The following MAPKAP1 variants were observed in gnomAD, a reference collection of about 807,000 sequenced individuals.
MAPKAP1 encodes target of rapamycin complex 2 subunit MAPKAP1.
A neutral mutation model predicts 65.7 loss-of-function variants in MAPKAP1; 20 were observed. The ratio of observed to expected loss-of-function variants is 0.30; its 90% confidence interval spans 0.21 to 0.44. MAPKAP1 has a LOEUF of 0.44. MAPKAP1 is among the 20% of genes least tolerant of loss of function. The pLI is 1.00. For synonymous variants in MAPKAP1, 222 were observed against 244.3 expected (o/e 0.91, Z 0.85); for missense variants, 423 against 648.0 (o/e 0.65, Z 3.77).
intron 7 of MAPKAP1, among the ~76,000 whole-genome samples, chr9:125,530,659 T>C (rs914052423): frequency 2.6e-5 from 4 of 152,234 alleles, no homozygotes; most frequent in African/African-American, 9.6e-5. Context: ...GAGTTGACTC[T>C]CTGGGTCTAG....
chr9:125,625,704 A>G (rs1833097951), intron 4 of MAPKAP1, among the ~76,000 whole-genome samples: 1 of 152,232 alleles, frequency 6.6e-6, no homozygotes, highest in Admixed American at 6.5e-5. Flanking sequence ...CTGAGGCACA[A>G]GAATCACTTG....
Position 125,685,609 on chromosome 9 carries a change from T to A in MAPKAP1, c.-69-12966A>T, listed in dbSNP as rs140203653. On this transcript the variant is annotated intron_variant, in intron 1 of 11. Coordinates refer to ENST00000265960, the MANE Select transcript of MAPKAP1 (RefSeq NM_001006617.3). ...CCTGGTTGCCATGTTAAGGAATGAA[T>A]GAATTAAAGAACAAATAAAAGATCG... Among the ~76,000 whole-genome samples, 773 of 152,368 alleles carry A rather than the reference T, an allele frequency of 5.1e-3. 1 individual carries two copies. Among genetic ancestry groups the A allele is most frequent in the Middle Eastern group, 0.01 (3 of 294 alleles).
intron 5 of MAPKAP1, among the ~76,000 whole-genome samples, chr9:125,569,782 C>T (rs990225113): frequency 1.3e-5 from 2 of 152,172 alleles, no homozygotes; most frequent in African/African-American, 4.8e-5. Flanking sequence ...TAGTAATCTT[C>T]TTCTGTCTTT....
At chr9:125,450,781 C>A (rs902728530) in intron 10 of MAPKAP1, among the ~76,000 whole-genome samples, 6 of 152,190 alleles carry the variant, frequency 3.9e-5, no homozygotes, top group African/African-American at 1.2e-4. Context: ...TGGGAACACA[C>A]ATTGTTTTAG....
intron 6 of MAPKAP1, among the ~76,000 whole-genome samples, chr9:125,557,142 C>T (rs1830759568): frequency 6.6e-6 from 1 of 152,136 alleles, no homozygotes; most frequent in African/African-American, 2.4e-5. Flanking sequence ...TCTGCCTTCC[C>T]CCTCCTTCCT....
In MAPKAP1 at chr9:125,580,679, G is replaced by GTA. The variant is rs567641557; in HGVS notation, c.671+4874_671+4875dup. On this transcript the variant is annotated intron_variant, in intron 5 of 11. Transcript: ENST00000265960. ...TGCACATGTACCCTAGAACTTAAAAGTATAAAAAAAAAAAAGACTATAGAC... is the reference window on the plus strand; with the variant it reads ...TGCACATGTACCCTAGAACTTAAAAGTATATAAAAAAAAAAAAGACTATAGAC... 4.4e-3 allele frequency among the ~76,000 whole-genome samples: 490 copies of GTA among 110,954 alleles called. 1 individual carries two copies. The highest frequency in any genetic ancestry group is 0.014 in the African/African-American group (468 of 34,608). 72.8% of individuals were successfully genotyped at this position (110,954 alleles called of 152,430 possible).
In MAPKAP1 at chr9:125,704,915, AC is replaced by A. The variant is rs1835712552; in HGVS notation, c.-70+2055del. 6.6e-5 allele frequency among the ~76,000 whole-genome samples: 10 copies of A among 152,224 alleles called. No homozygotes were observed. In the South Asian group the frequency reaches 2.1e-3, roughly 32 times the overall value. On this transcript the variant is annotated intron_variant, in intron 1 of 11. Transcript: ENST00000265960. ...GTGGTCAATATTATTCCCTAACCCA[AC>A]CCCTAGTTGAAGAAAGTGATGCTTG...
chr9:125,518,778 C>G (rs1039242812), intron 7 of MAPKAP1, among the ~76,000 whole-genome samples: 1 of 152,048 alleles, frequency 6.6e-6, no homozygotes, highest in African/African-American at 2.4e-5. Context: ...TAAAGTAAAA[C>G]CCGAATAAAA....
At chr9:125,695,853 C>T (rs954788553) in intron 1 of MAPKAP1, among the ~76,000 whole-genome samples, 12 of 151,974 alleles carry the variant, frequency 7.9e-5, no homozygotes, top group African/African-American at 2.9e-4. Flanking sequence ...CTCAGCCACC[C>T]GAGTAGCTGG....
chr9:125,543,442 ATTT>A (rs751120452), intron 6 of MAPKAP1, among the ~76,000 whole-genome samples: 1 of 134,564 alleles, frequency 7.4e-6, no homozygotes, highest in Admixed American at 7.4e-5. Context: ...AATTTTTTGT[ATTT>A]TTTTTTTTTT....
intron 5 of MAPKAP1, among the ~76,000 whole-genome samples, chr9:125,569,440 T>A (rs545323637): frequency 1.3e-5 from 2 of 152,326 alleles, no homozygotes; most frequent in East Asian, 3.9e-4. Flanking sequence ...TGGTTTAATA[T>A]CTGCGTGACC....
At chr9:125,542,862 A>G in intron 7 of MAPKAP1, 197 bp downstream of exon 7, 1 of 736,582 alleles carries the variant, frequency 1.4e-6, no homozygotes, top group Non-Finnish European at 2.5e-6. Context: ...TTCTTCTCAC[A>G]TATGCCGCTG....
At chr9:125,450,759 G>C (rs1055203847) in intron 10 of MAPKAP1, among the ~76,000 whole-genome samples, 1 of 152,194 alleles carries the variant, frequency 6.6e-6, no homozygotes, top group Non-Finnish European at 1.5e-5. Context: ...TGGATTTCTT[G>C]GGGGAAACCG....
At chr9:125,698,302 T>TATAA (rs1835476076) in intron 1 of MAPKAP1, among the ~76,000 whole-genome samples, 1 of 21,856 alleles carries the variant, frequency 4.6e-5, no homozygotes, top group East Asian at 1.0e-3. Context: ...TATATATATA[T>TATAA]ATATATATAT....
intron 5 of MAPKAP1, among the ~76,000 whole-genome samples, chr9:125,581,347 C>A (rs1172814277): frequency 6.6e-6 from 1 of 152,248 alleles, no homozygotes; most frequent in Non-Finnish European, 1.5e-5. Flanking sequence ...AGTTTCTCTA[C>A]ATCCTTGCCA....
At chr9:125,610,241 TA>T (rs1383062261) in intron 4 of MAPKAP1, among the ~76,000 whole-genome samples, 1 of 152,232 alleles carries the variant, frequency 6.6e-6, no homozygotes, top group Non-Finnish European at 1.5e-5. Flanking sequence ...TACAACACAC[TA>T]AAAACTATTT....
intron 8 of MAPKAP1, among the ~76,000 whole-genome samples, chr9:125,494,594 G>A (rs1020403438): frequency 5.3e-5 from 8 of 152,154 alleles, no homozygotes; most frequent in Admixed American, 3.3e-4. Context: ...TCATGGAAGC[G>A]GGGCCTACGA....
intron 1 of MAPKAP1, among the ~76,000 whole-genome samples, chr9:125,686,739 G>A (rs1834991180): frequency 6.6e-6 from 1 of 152,166 alleles, no homozygotes; most frequent in Non-Finnish European, 1.5e-5. Context: ...AATTGTAATA[G>A]TATCAAGATG....
chr9:125,575,285 C>T (rs1332352464), intron 5 of MAPKAP1, among the ~76,000 whole-genome samples: 3 of 152,104 alleles, frequency 2.0e-5, no homozygotes, highest in Non-Finnish European at 4.4e-5. Context: ...TTACTTGAGC[C>T]CAGGAGTTCA....
Sources: gnomAD v4.1 joint callset for allele counts (sites outside exome capture counted in the v4.1 genomes callset) on GRCh38, gnomAD v4.1.1 for gene constraint, MANE v1.5 for transcripts, NCBI Gene and HGNC (gene_info 2026-07-23, HGNC 2026-07-21) for gene names.